The following BACH2 variants were observed in gnomAD, a reference collection of about 807,000 sequenced individuals.
The protein encoded by BACH2 is BACH transcriptional regulator 2.
BACH2 carries 5 observed loss-of-function variants against 61.8 expected under a neutral mutation model. The ratio of observed to expected loss-of-function variants is 0.08; its 90% CI spans 0.04 to 0.17. The LOEUF is 0.17. Among genes scored for constraint, BACH2 ranks in the 10% least tolerant of loss-of-function variants. The pLI is 1.00. For synonymous variants in BACH2, 446 were observed against 440.1 expected (o/e 1.01, Z -0.17); for missense variants, 824 against 1,091.1 (o/e 0.76, Z 3.45).
At chr6:90,100,702 G>GACACAC (rs372719418) in intron 4 of BACH2, among the ~76,000 whole-genome samples, 10 of 64,252 alleles carry the variant, frequency 1.6e-4, no homozygotes, top group African/African-American at 5.3e-4. Context: ...CACACACACA[G>GACACAC]ACACACACAC....
At chr6:90,189,602 G>T (rs1459550397) in intron 4 of BACH2, among the ~76,000 whole-genome samples, 1 of 121,440 alleles carries the variant, frequency 8.2e-6, no homozygotes, top group Non-Finnish European at 1.6e-5. Flanking sequence ...GCGACAGAGC[G>T]AGACTCCGTC....
intron 4 of BACH2, among the ~76,000 whole-genome samples, chr6:90,093,808 G>C (rs139605703): frequency 3.9e-5 from 6 of 152,138 alleles, no homozygotes; most frequent in Non-Finnish European, 8.8e-5. Context: ...GGCATTTTGC[G>C]GCTAGATTGA....
intron 4 of BACH2, among the ~76,000 whole-genome samples, chr6:90,124,028 C>T (rs1388806438): frequency 6.6e-6 from 1 of 152,122 alleles, no homozygotes; most frequent in Non-Finnish European, 1.5e-5. Flanking sequence ...TTGTCAAAAA[C>T]TGATATCTCC....
At chr6:89,962,660 C>T (rs1426881830) in intron 6 of BACH2, among the ~76,000 whole-genome samples, 1 of 152,160 alleles carries the variant, frequency 6.6e-6, no homozygotes, top group Non-Finnish European at 1.5e-5. Flanking sequence ...TTGGACACTT[C>T]TAGCCCTCCT....
intron 4 of BACH2, among the ~76,000 whole-genome samples, chr6:90,131,625 C>T (rs940667668): frequency 3.9e-5 from 6 of 152,200 alleles, no homozygotes; most frequent in African/African-American, 1.4e-4. Flanking sequence ...TACACATGAG[C>T]TCACCCTTCA....
intron 5 of BACH2, among the ~76,000 whole-genome samples, chr6:90,087,156 A>G (rs377064505): frequency 6.6e-5 from 10 of 152,152 alleles, no homozygotes; most frequent in African/African-American, 2.4e-4. Context: ...GAGGCAATAC[A>G]TATGTTCTTT....
chr6:90,068,861 A>G (rs1208577928), intron 5 of BACH2, among the ~76,000 whole-genome samples: 2 of 152,128 alleles, frequency 1.3e-5, no homozygotes, highest in Non-Finnish European at 2.9e-5. Flanking sequence ...GTTTTCCTGT[A>G]AACTGTATTC....
In BACH2 at chr6:89,938,350, C is replaced by T; in HGVS notation, c.1837G>A (p.Val613Ile). The T allele has an allele frequency of 6.2e-7, 1 of 1,610,842 alleles. No individual in the cohort carries two copies. The highest frequency in any genetic ancestry group is 8.5e-7 in the Non-Finnish European group (1 of 1,177,416). Reference sequence around the variant, plus strand: ...TGATCTACAGGAAAAGGAAGTTTTACCTGAAACCAAGAATAACAGAAAATG... The same window carrying T: ...TGATCTACAGGAAAAGGAAGTTTTATCTGAAACCAAGAATAACAGAAAATG... ...SCPVQDRGQE[V>I]KLPFPVDQIT... Residue 613 changes from valine (V) to isoleucine (I), a missense_variant and splice_region_variant, in exon 8 of 9, where the codon GTA becomes ATA. This residue lies in a region of BACH2 where 160 missense variants were observed against 283.5 expected (regional missense o/e 0.56). Coordinates refer to ENST00000257749, the MANE Select transcript of BACH2 (RefSeq NM_021813.4).
At chr6:90,074,562 A>C (rs1781386290) in intron 5 of BACH2, among the ~76,000 whole-genome samples, 1 of 152,194 alleles carries the variant, frequency 6.6e-6, no homozygotes, top group South Asian at 2.1e-4. Context: ...ATGGTAATGC[A>C]AAAACAGAAG....
In BACH2 at chr6:89,932,554, T is replaced by A; in HGVS notation, c.2380A>T (p.Arg794Trp). 6.2e-7 allele frequency: 1 copy of A among 1,613,952 alleles called. No homozygotes were observed. The highest frequency in any genetic ancestry group is 1.1e-5 in the South Asian group (1 of 91,048). ...SNTSENCTSG[R>W]RLEGTDPGTF... is the part of the protein sequence containing the mutation. ...CCCGGGTCAGTGCCTTCTAGTCTCC[T>A]CCCAGAGGTACAATTCTCGGAGGTG... The change falls in exon 9 of 9, where the codon AGG becomes TGG. Residue 794 changes from arginine to tryptophan, a missense_variant. Transcript: ENST00000257749.
chr6:90,031,913 A>C (rs10806419), intron 5 of BACH2, among the ~76,000 whole-genome samples: 47,729 of 152,084 alleles, frequency 0.31, 8,018 homozygotes, highest in East Asian at 0.68. Context: ...TCCTAAGCCA[A>C]AAGAACAAAG....
chr6:90,040,234 C>A (rs1225620977), intron 5 of BACH2, among the ~76,000 whole-genome samples: 1 of 151,996 alleles, frequency 6.6e-6, no homozygotes, highest in Non-Finnish European at 1.5e-5. Context: ...AGTTTTGGAA[C>A]CATTTAGGAT....
At chr6:90,127,011 A>G (rs1445550002) in intron 4 of BACH2, among the ~76,000 whole-genome samples, 1 of 152,096 alleles carries the variant, frequency 6.6e-6, no homozygotes, top group African/African-American at 2.4e-5. Context: ...GCTGTTGACA[A>G]CTCCTACTGT....
intron 5 of BACH2, among the ~76,000 whole-genome samples, chr6:90,063,977 A>G (rs1418435754): frequency 6.6e-6 from 1 of 152,186 alleles, no homozygotes; most frequent in Non-Finnish European, 1.5e-5. Context: ...TCTTAGAAAT[A>G]TGGCAAATGA....
At position 89,972,844 on chromosome 6, in the gene BACH2, A is replaced by G. The variant is rs568023604; in HGVS notation, c.244-20982T>C. On this transcript the variant is annotated intron_variant, in intron 6 of 8. Transcript: ENST00000257749. ...AGTGGCTCAAGCCTGTAATCCCAGCACCTTGGCAGGGTGAGGTGGGCAGAT... is the reference window on the plus strand; with the variant it reads ...AGTGGCTCAAGCCTGTAATCCCAGCGCCTTGGCAGGGTGAGGTGGGCAGAT... Among the ~76,000 whole-genome samples, 11 of 152,280 alleles carry G rather than the reference A, an allele frequency of 7.2e-5. No individual in the cohort carries two copies. The East Asian group carries it at 2.1e-3, about 29-fold the overall frequency.
rs898515851 is a variant in BACH2, at chr6:89,931,458, T to G, written c.*950A>C. 6.5e-6 allele frequency: 1 copy of G among 152,766 alleles called. No homozygotes were observed. The highest frequency in any genetic ancestry group is 1.5e-5 in the Non-Finnish European group (1 of 68,054). 9.5% of individuals were successfully genotyped at this position (152,766 alleles called of 1,614,324 possible). A position where few individuals can be genotyped will look rare whatever the true frequency, so the allele number is the denominator to read the frequency against. ...TTTAATTAGCTAAAATGTTTTACTT[T>G]TTTAACTAAAAGCAAAGAATATACA... On this transcript the variant is annotated 3_prime_UTR_variant, in exon 9 of 9. Transcript: ENST00000257749.
chr6:90,133,664 T>C (rs1352174256), intron 4 of BACH2, among the ~76,000 whole-genome samples: 8 of 152,256 alleles, frequency 5.3e-5, no homozygotes, highest in African/African-American at 1.9e-4. Context: ...TAACATTAGG[T>C]ATATCTCCTA....
chr6:90,252,254 T>C, intron 3 of BACH2, among the ~76,000 whole-genome samples: 1 of 152,210 alleles, frequency 6.6e-6, no homozygotes, highest in East Asian at 1.9e-4. Flanking sequence ...TGATGAAGAC[T>C]TGATAATATC....
At chr6:89,971,547 C>T (rs1005542283) in intron 6 of BACH2, among the ~76,000 whole-genome samples, 10 of 152,222 alleles carry the variant, frequency 6.6e-5, no homozygotes, top group Admixed American at 2.6e-4. Flanking sequence ...ACTGTCAGTA[C>T]GGTTCTTACT....
Sources: allele counts gnomAD v4.1 joint callset (sites outside exome capture counted in the v4.1 genomes callset), GRCh38; gene constraint gnomAD v4.1.1; regional missense constraint gnomAD v4.1.1; transcripts MANE v1.5; gene names NCBI Gene and HGNC (gene_info 2026-07-23, HGNC 2026-07-21).